ACOXL: variants seen among roughly 807,000 people sequenced by gnomAD.
ACOXL encodes the protein acyl-CoA oxidase like, also known as acyl-coenzyme A oxidase-like protein.
In ACOXL, 70 loss-of-function variants were observed where a neutral mutation model predicts 71.9. The ratio of observed to expected loss-of-function variants is 0.97; its 90% CI spans 0.80 to 1.19. ACOXL has a LOEUF of 1.19. Ranked by LOEUF, ACOXL falls within the 50% of genes most tolerant of loss-of-function variation. ACOXL has a pLI of 0.00. For missense variants in ACOXL, 703 were observed against 736.3 expected (o/e 0.95, Z 0.52); for synonymous variants, 253 against 281.6 (o/e 0.90, Z 1.02).
At chr2:110,793,979 G>C in intron 4 of ACOXL, 97 bp from the exon 5 acceptor site, 1 of 1,263,932 alleles carries the variant, frequency 7.9e-7, no homozygotes, top group Non-Finnish European at 1.1e-6. Context: ...CAACCCACCT[G>C]TCCCTCTCTC....
rs149848542 is a variant in ACOXL at position 110,922,874 on chromosome 2, C to T, written c.906-10615C>T. Reference sequence around the variant, plus strand: ...GAATGCCGCATTGAACAGGACAGATCGACACTTGCCTTCACCAGCTGTCAG... The same window carrying T: ...GAATGCCGCATTGAACAGGACAGATTGACACTTGCCTTCACCAGCTGTCAG... On this transcript the variant is annotated intron_variant, in intron 11 of 17. Coordinates refer to ENST00000439055, the MANE Select transcript of ACOXL (RefSeq NM_001142807.4). 3.5e-4 allele frequency among the ~76,000 whole-genome samples: 54 copies of T among 152,178 alleles called. 1 individual carries two copies. The highest frequency in any genetic ancestry group is 2.1e-4 in the South Asian group (1 of 4,834).
intron 10 of ACOXL, among the ~76,000 whole-genome samples, chr2:110,863,436 G>A (rs1694188758): frequency 6.6e-6 from 1 of 152,134 alleles, no homozygotes; most frequent in Non-Finnish European, 1.5e-5. Context: ...AGCAGTGATT[G>A]TTTTTTGATG....
Position 111,117,796 on chromosome 2 carries a change from A to C in ACOXL, c.1723A>C (p.Lys575Gln), listed in dbSNP as rs1420360414. 1 of 1,549,980 alleles carries C rather than the reference A, an allele frequency of 6.5e-7. No homozygotes were observed. The highest frequency in any genetic ancestry group is 8.7e-7 in the Non-Finnish European group (1 of 1,146,600). Residue 575 changes from lysine to glutamine, a missense_variant, in exon 18 of 18, where the codon AAG becomes CAG. Coordinates refer to ENST00000439055, the MANE Select transcript of ACOXL (RefSeq NM_001142807.4). ...PREEARSRRP[K>Q]LGAKL is the part of the protein sequence containing the mutation. ...GGAAGAGGCGCGCTCCCGGCGGCCC[A>C]AGCTGGGAGCCAAGCTCTAACGGGT...
intron 2 of ACOXL, among the ~76,000 whole-genome samples, chr2:110,776,743 A>C (rs1682699047): frequency 6.6e-6 from 1 of 151,974 alleles, no homozygotes; most frequent in Admixed American, 6.6e-5. Context: ...GAGGCATTTG[A>C]TTTTCTTCAG....
chr2:111,054,387 G>A (rs1428486075), intron 16 of ACOXL, among the ~76,000 whole-genome samples: 2 of 152,182 alleles, frequency 1.3e-5, no homozygotes, highest in Admixed American at 1.3e-4. Context: ...CTTGATCTAA[G>A]CAGACATGTA....
intron 2 of ACOXL, 82 bp from the exon 3 acceptor site, chr2:110,784,650 A>G: frequency 5.9e-6 from 6 of 1,022,866 alleles, no homozygotes; most frequent in Admixed American, 5.6e-5. Flanking sequence ...TAAAAGTAAC[A>G]TGCATTTCTT....
intron 10 of ACOXL, among the ~76,000 whole-genome samples, chr2:110,880,699 G>T (rs942249852): frequency 2.0e-5 from 3 of 152,188 alleles, no homozygotes; most frequent in Non-Finnish European, 4.4e-5. Flanking sequence ...TGTAATCCCA[G>T]CACTTTGGGA....
rs147346853 is a variant in ACOXL at position 110,962,986 on chromosome 2, A to G, written c.1060-24122A>G. Among the ~76,000 whole-genome samples, 773 of 152,274 alleles carry G rather than the reference A, an allele frequency of 5.1e-3. 3 individuals are homozygous for G. The highest frequency in any genetic ancestry group is 9.0e-3 in the Admixed American group (137 of 15,302). On this transcript the variant is annotated intron_variant, in intron 12 of 17. Coordinates refer to ENST00000439055, the MANE Select transcript of ACOXL (RefSeq NM_001142807.4). ...CACAAAGACAGGCTTTGCTTCTTTC[A>G]TGTTTTACTTGGGGCCAAACTTACT...
At position 111,063,589 on chromosome 2, in the gene ACOXL, A is replaced by G. The variant is rs564148340; in HGVS notation, c.1440+14301A>G. On this transcript the variant is annotated intron_variant, in intron 16 of 17. Coordinates refer to ENST00000439055, the MANE Select transcript of ACOXL (RefSeq NM_001142807.4). ...CAAAATTCAACAATTACTCATGATAACAACTCCTAGACAAATAGGAAGAAA... is the reference window on the plus strand; with the variant it reads ...CAAAATTCAACAATTACTCATGATAGCAACTCCTAGACAAATAGGAAGAAA... Among the ~76,000 whole-genome samples the G allele has an allele frequency of 3.0e-4, 46 of 152,344 alleles. No individual in the cohort carries two copies. In the South Asian group the frequency reaches 5.8e-3, roughly 19 times the overall value.
chr2:110,988,568 A>C lies in ACOXL; in HGVS notation c.1169+1351A>C, dbSNP rs552825130. Among the ~76,000 whole-genome samples, 42 of 152,310 alleles carry C rather than the reference A, an allele frequency of 2.8e-4. No individual in the cohort carries two copies. The Middle Eastern group carries it at 0.014, about 49-fold the overall frequency. ...GAATGGAATTGCTGTGCTATGGAGT[A>C]ATGTTCAACTTTACTAGATAGTGAC... On this transcript the variant is annotated intron_variant, in intron 13 of 17. Transcript: ENST00000439055.
At chr2:110,900,393 C>G (rs1156252616) in intron 10 of ACOXL, among the ~76,000 whole-genome samples, 3 of 152,144 alleles carry the variant, frequency 2.0e-5, no homozygotes, top group African/African-American at 4.8e-5. Flanking sequence ...ATGGTAATGA[C>G]TCTAATGATG....
chr2:110,812,626 A>T (rs1012948494), intron 9 of ACOXL, among the ~76,000 whole-genome samples: 1 of 152,234 alleles, frequency 6.6e-6, no homozygotes, highest in African/African-American at 2.4e-5. Context: ...ATTCATAAAC[A>T]TTTCTCCTTA....
chr2:110,952,012 G>T (rs893397628), intron 12 of ACOXL, among the ~76,000 whole-genome samples: 2 of 152,120 alleles, frequency 1.3e-5, no homozygotes, highest in Admixed American at 1.3e-4. Flanking sequence ...ACTTGAGGGT[G>T]TTTCTTATTT....
intron 3 of ACOXL, 79 bp downstream of exon 3, chr2:110,784,894 A>G: frequency 7.3e-7 from 1 of 1,362,040 alleles, no homozygotes. Flanking sequence ...TAACCCCGTG[A>G]GCTCTCTCAG....
chr2:110,900,308 T>A (rs1019259690), intron 10 of ACOXL, among the ~76,000 whole-genome samples: 3 of 152,152 alleles, frequency 2.0e-5, no homozygotes, highest in Non-Finnish European at 2.9e-5. Context: ...GAGTGCTTTT[T>A]GGGGAAAATT....
At chr2:110,950,025 T>TTTTTTA (rs1299697757) in intron 12 of ACOXL, among the ~76,000 whole-genome samples, 2 of 152,048 alleles carry the variant, frequency 1.3e-5, no homozygotes, top group Non-Finnish European at 1.5e-5. Flanking sequence ...CCTCTGTCTT[T>TTTTTTA]TTTTTATTTT....
At chr2:110,868,593 T>C (rs1384518921) in intron 10 of ACOXL, among the ~76,000 whole-genome samples, 1 of 152,204 alleles carries the variant, frequency 6.6e-6, no homozygotes, top group Non-Finnish European at 1.5e-5. Context: ...CACTAGAATT[T>C]CTTTTCTTTT....
At chr2:111,026,870 CTT>C (rs1218890731) in intron 14 of ACOXL, among the ~76,000 whole-genome samples, 1 of 152,070 alleles carries the variant, frequency 6.6e-6, no homozygotes, top group Non-Finnish European at 1.5e-5. Flanking sequence ...AATGTGCAGT[CTT>C]TGTGTTTTGT....
At chr2:111,042,365 C>T (rs774573356) in intron 15 of ACOXL, among the ~76,000 whole-genome samples, 5 of 152,244 alleles carry the variant, frequency 3.3e-5, no homozygotes, top group Non-Finnish European at 7.3e-5. Flanking sequence ...AGCGCCCACA[C>T]ACACATGGAG....
Sources: gnomAD v4.1 joint callset for allele counts (sites outside exome capture counted in the v4.1 genomes callset) on GRCh38, gnomAD v4.1.1 for gene constraint, MANE v1.5 for transcripts, NCBI Gene and HGNC (gene_info 2026-07-23, HGNC 2026-07-21) for gene names.